MTR: variants seen among roughly 807,000 people sequenced by gnomAD.
MTR encodes methionine synthase.
MTR carries 84 observed loss-of-function variants against 154.8 expected under a neutral mutation model. That is an observed-to-expected ratio of 0.54 (90% CI 0.45 to 0.65). MTR has a LOEUF of 0.65. Ranked by LOEUF, MTR falls within the 30% of genes least tolerant of loss-of-function variation. MTR has a pLI of 0.00. For synonymous variants in MTR, 554 were observed against 553.9 expected (o/e 1.00, Z 0.00); for missense variants, 1,275 against 1,570.2 (o/e 0.81, Z 3.18).
chr1:236,899,088 A>G lies in MTR; in HGVS notation c.*1444A>G, dbSNP rs903795833. ...TGAAGAACCATCTTTGTTCATGAAT[A>G]GGAATATTCAAGATTATAAAGGTAT... On this transcript the variant is annotated 3_prime_UTR_variant, in exon 33 of 33. Coordinates refer to ENST00000366577, the MANE Select transcript of MTR (RefSeq NM_000254.3). The G allele has an allele frequency of 9.2e-5, 14 of 152,368 alleles. No individual in the cohort carries two copies. Among genetic ancestry groups the G allele is most frequent in the African/African-American group, 3.1e-4 (13 of 41,590 alleles). 9.4% of individuals were successfully genotyped at this position (152,368 alleles called of 1,614,324 possible). A position where few individuals can be genotyped will look rare whatever the true frequency, so the allele number is the denominator to read the frequency against.
At position 236,832,021 on chromosome 1, in the gene MTR, C is replaced by T; in HGVS notation, c.1131C>T (p.Arg377=). The change falls in exon 13 of 33, where the codon CGC becomes CGT. Residue 377 remains arginine (R), a synonymous_variant. Coordinates refer to ENST00000366577, the MANE Select transcript of MTR (RefSeq NM_000254.3). ...PYTNFVNIGE[R]CNVAGSRKFA... ...CCAACTTTGTTAACATTGGAGAGCG[C>T]TGTAATGTTGCAGGATCAAGGAAGT... 6.2e-7 allele frequency: 1 copy of T among 1,614,150 alleles called. No individual in the cohort carries two copies. Among genetic ancestry groups the T allele is most frequent in the Non-Finnish European group, 8.5e-7 (1 of 1,180,014 alleles).
chr1:236,832,604 A>C (rs576428688), intron 13 of MTR, among the ~76,000 whole-genome samples: 1 of 152,342 alleles, frequency 6.6e-6, no homozygotes, highest in South Asian at 2.1e-4. Context: ...TCTGTGGATG[A>C]GCAAAATTTA....
chr1:236,819,077 C>T (rs116105470), intron 8 of MTR, among the ~76,000 whole-genome samples: 14 of 152,234 alleles, frequency 9.2e-5, no homozygotes, highest in African/African-American at 3.4e-4. Flanking sequence ...TGGTGTGGTA[C>T]ACCTATTACA....
intron 24 of MTR, among the ~76,000 whole-genome samples, chr1:236,878,724 C>T (rs762975052): frequency 5.3e-5 from 8 of 152,266 alleles, no homozygotes; most frequent in Middle Eastern, 3.4e-3. Flanking sequence ...GTGGATGAAT[C>T]GATATTTGGA....
chr1:236,895,132 TG>T, intron 30 of MTR: 1 of 595,032 alleles, frequency 1.7e-6, no homozygotes, highest in Non-Finnish European at 3.0e-6. Context: ...TCATTAAGTA[TG>T]GTCCTTCAGA....
Position 236,823,885 on chromosome 1 carries a change from G to A in MTR, c.765-234G>A, listed in dbSNP as rs3890786. Among the ~76,000 whole-genome samples the A allele has an allele frequency of 0.38, 50,239 of 133,712 alleles. 9,475 individuals are homozygous for A. The highest frequency in any genetic ancestry group is 0.48 in the East Asian group (2,074 of 4,364). The allele number at this position is 133,712 out of a possible 152,430, so 87.7% of individuals were successfully genotyped here. Reference sequence around the variant, plus strand: ...CATAGAATACCATGTGAACTGATTTGAGGAGTCCACCCACAGGCAGCGTCT... The same window carrying A: ...CATAGAATACCATGTGAACTGATTTAAGGAGTCCACCCACAGGCAGCGTCT... On this transcript the variant is annotated intron_variant, in intron 8 of 32. Transcript: ENST00000366577.
In MTR at chr1:236,885,253, A is replaced by G. The variant is rs761583790; in HGVS notation, c.2775+34A>G. The stretch of plus-strand genomic sequence containing the variant: ...TAGAAACAGATTTTTGCTTGTTTTT[A>G]ATGTGACTGTTTTTTATGATCCTAG... On this transcript the variant is annotated intron_variant, in intron 26 of 32. Coordinates refer to ENST00000366577, the MANE Select transcript of MTR (RefSeq NM_000254.3). 3.0e-6 allele frequency: 4 copies of G among 1,344,420 alleles called. No homozygotes were observed. In the South Asian group the frequency reaches 3.5e-5, roughly 12 times the overall value. The allele number at this position is 1,344,420 out of a possible 1,614,324, so 83.3% of individuals were successfully genotyped here.
rs977789744 is a variant in MTR, at chr1:236,800,367, G to A, written c.35-3061G>A. 16 of 985,220 alleles carry A rather than the reference G, an allele frequency of 1.6e-5. No homozygotes were observed. In the East Asian group the frequency reaches 6.8e-4, roughly 42 times the overall value. 61.0% of individuals were successfully genotyped at this position (985,220 alleles called of 1,614,324 possible). A position where few individuals can be genotyped will look rare whatever the true frequency, so the allele number is the denominator to read the frequency against. On this transcript the variant is annotated intron_variant, in intron 1 of 32. Coordinates refer to ENST00000366577, the MANE Select transcript of MTR (RefSeq NM_000254.3). ...CTATTTCCCCACTGCCACACCTCAT[G>A]CTCACACTAGGCTTATGATTCAGTC...
At chr1:236,863,884 AGTG>A (rs1664690207) in intron 22 of MTR, among the ~76,000 whole-genome samples, 1 of 152,106 alleles carries the variant, frequency 6.6e-6, no homozygotes, top group Admixed American at 6.5e-5. Context: ...TCCCATGGCC[AGTG>A]GTGTTCATCA....
intron 19 of MTR, 25 bp from the exon 20 acceptor site, chr1:236,861,100 T>TTTTTTTTTTTTTTG: frequency 7.4e-7 from 1 of 1,355,180 alleles, no homozygotes; most frequent in Non-Finnish European, 9.9e-7. Flanking sequence ...TCTTTTTCTT[T>TTTTTTTTTTTTTTG]TTTTTTTTTT....
At chr1:236,805,634 C>T (rs911813721) in intron 2 of MTR, among the ~76,000 whole-genome samples, 10 of 152,168 alleles carry the variant, frequency 6.6e-5, no homozygotes, top group Admixed American at 2.6e-4. Context: ...GCTGGGACTA[C>T]GGGCATGTGC....
chr1:236,816,375 A>G (rs1661592693), intron 7 of MTR, 74 bp from the exon 8 acceptor site: 1 of 1,289,970 alleles, frequency 7.8e-7, no homozygotes. Flanking sequence ...CAGTGTGTTC[A>G]TTTTATTTTG....
intron 14 of MTR, among the ~76,000 whole-genome samples, chr1:236,837,265 C>T (rs928187388): frequency 2.0e-5 from 3 of 152,096 alleles, no homozygotes; most frequent in African/African-American, 4.8e-5. Context: ...AAACTGGTAG[C>T]GTGCCTTTTC....
intron 10 of MTR, 118 bp from the exon 11 acceptor site, chr1:236,826,711 C>A: frequency 1.2e-6 from 1 of 802,442 alleles, no homozygotes; most frequent in South Asian, 1.4e-5. Context: ...ATGTTTGACT[C>A]TCTTTTTAGT....
chr1:236,838,438 A>G lies in MTR; in HGVS notation c.1354A>G (p.Asn452Asp). 2 of 1,614,050 alleles carry G rather than the reference A, an allele frequency of 1.2e-6. No individual in the cohort carries two copies. The highest frequency in any genetic ancestry group is 1.6e-4 in the Middle Eastern group (1 of 6,062). Residue 452 changes from asparagine (N) to aspartate (D), a missense_variant, in exon 15 of 33, where the codon AAT becomes GAT. Asn to Asp is a conservative substitution (Grantham distance 23, BLOSUM62 1). Transcript: ENST00000366577. ...AKVPLCIDSS[N>D]FAVIEAGLKC... is the part of the protein sequence containing the mutation. ...GGTACCTTTGTGCATCGACTCCTCC[A>G]ATTTTGCTGTGATTGAAGCTGGGTT...
At chr1:236,884,030 A>G (rs770044071) in intron 25 of MTR, among the ~76,000 whole-genome samples, 85 of 152,220 alleles carry the variant, frequency 5.6e-4, no homozygotes, top group Admixed American at 8.5e-4. Context: ...GATGGTAGCT[A>G]TTCTTCTATC....
intron 16 of MTR, 104 bp from the exon 17 acceptor site, chr1:236,852,417 C>A: frequency 1.2e-6 from 1 of 857,784 alleles, no homozygotes; most frequent in South Asian, 1.4e-5. Context: ...ACTTCGGATG[C>A]TTTTTGTTTT....
intron 13 of MTR, among the ~76,000 whole-genome samples, chr1:236,833,452 C>A (rs1449284650): frequency 6.6e-6 from 1 of 152,038 alleles, no homozygotes; most frequent in Admixed American, 6.5e-5. Flanking sequence ...TGTGGTTATC[C>A]CCATTTTACA....
At chr1:236,830,735 G>A (rs1385333975) in intron 12 of MTR, among the ~76,000 whole-genome samples, 1 of 152,150 alleles carries the variant, frequency 6.6e-6, no homozygotes, top group Non-Finnish European at 1.5e-5. Context: ...ACTAGGATCG[G>A]GCGTACCCTG....
Sources: gnomAD v4.1 joint callset for allele counts (sites outside exome capture counted in the v4.1 genomes callset) on GRCh38, gnomAD v4.1.1 for gene constraint, MANE v1.5 for transcripts, NCBI Gene and HGNC (gene_info 2026-07-23, HGNC 2026-07-21) for gene names.